Variants in CD2AP observed in about 807,000 individuals in gnomAD.
The protein encoded by CD2AP is CD2-associated protein.
Under a neutral mutation model 85.1 loss-of-function variants are expected in CD2AP, and 46 were observed. That is an observed-to-expected ratio of 0.54 (90% CI 0.43 to 0.69). The LOEUF is 0.69. Among genes scored for constraint, CD2AP ranks in the 30% least tolerant of loss-of-function variants. The pLI is 0.00. For synonymous variants in CD2AP, 255 were observed against 252.9 expected, an observed-to-expected ratio of 1.01 and a Z score of -0.08; for missense variants, 769 against 729.5, an observed-to-expected ratio of 1.05 and a Z score of -0.62.
chr6:47,512,290 C>T (rs535760693), intron 2 of CD2AP, among the ~76,000 whole-genome samples: 3 of 152,174 alleles, frequency 2.0e-5, no homozygotes, highest in East Asian at 1.9e-4. Context: ...TGCAGTGAGC[C>T]GAGATCGCAC....
rs754447602 is a variant in CD2AP at position 47,554,638 on chromosome 6, T to G, written c.421-8T>G. The G allele has an allele frequency of 1.9e-6, 3 of 1,613,496 alleles. No individual in the cohort carries two copies. Among genetic ancestry groups the G allele is most frequent in the Non-Finnish European group, 2.5e-6 (3 of 1,179,622 alleles). On this transcript the variant is annotated splice_polypyrimidine_tract_variant and splice_region_variant and intron_variant, in intron 4 of 17. Coordinates refer to ENST00000359314, the MANE Select transcript of CD2AP (RefSeq NM_012120.3). ...TTGTTTTTGCTTTTGAATTGTGAAC[T>G]TTTTCAGGTAGAAGAAGGCTGGTGG... is the stretch of plus-strand genomic sequence containing the variant.
rs1465293168 is a variant in CD2AP at position 47,517,672 on chromosome 6, G to A, written c.165+14232G>A. 2.0e-5 allele frequency among the ~76,000 whole-genome samples: 3 copies of A among 152,042 alleles called. No individual in the cohort carries two copies. In the East Asian group the frequency reaches 5.8e-4, roughly 29 times the overall value. On this transcript the variant is annotated intron_variant, in intron 2 of 17. Transcript: ENST00000359314. ...GGAACAGACTAATAATAGTTGCCAA[G>A]TCTTCATGATATTTCTTTATCATCT...
intron 17 of CD2AP, among the ~76,000 whole-genome samples, chr6:47,613,198 T>G (rs529129045): frequency 1.3e-5 from 2 of 152,332 alleles, no homozygotes; most frequent in African/African-American, 4.8e-5. Context: ...AATATTGACA[T>G]TTTGACTTTC....
At chr6:47,606,048 T>A in intron 13 of CD2AP, 117 bp from the exon 14 acceptor site, 2 of 637,700 alleles carry the variant, frequency 3.1e-6, no homozygotes, top group Non-Finnish European at 5.5e-6. Context: ...ATTTGTGAGT[T>A]CTTCAAAGTA....
intron 2 of CD2AP, among the ~76,000 whole-genome samples, chr6:47,508,534 CTTTTTTTTTTTGTTTTT>C (rs1383016131): frequency 7.7e-6 from 1 of 129,408 alleles, no homozygotes; most frequent in Non-Finnish European, 1.6e-5. Flanking sequence ...TTCTTTCTTT[CTTTTTTTTTTTGTTTTT>C]TTTTTTTTTT....
chr6:47,512,544 T>G (rs1037897424), intron 2 of CD2AP, among the ~76,000 whole-genome samples: 3 of 152,260 alleles, frequency 2.0e-5, no homozygotes, highest in Non-Finnish European at 2.9e-5. Context: ...TGAAAAACTT[T>G]AGACACCATA....
At chr6:47,513,895 G>T (rs77634857) in intron 2 of CD2AP, among the ~76,000 whole-genome samples, 100 of 149,016 alleles carry the variant, frequency 6.7e-4, no homozygotes, top group African/African-American at 2.0e-3. Context: ...TTTTTTTTGG[G>T]GGGGGGGCTA....
chr6:47,624,031 T>G (rs910527499), intron 17 of CD2AP, among the ~76,000 whole-genome samples, 155 bp from the exon 18 acceptor site: 1 of 152,192 alleles, frequency 6.6e-6, no homozygotes, highest in Non-Finnish European at 1.5e-5. Context: ...GTTGAAACTT[T>G]ATTCAACCAA....
In CD2AP at chr6:47,480,065, A is replaced by G. The variant is rs74674326; in HGVS notation, c.4+1817A>G. ...TCCAGAGGCTTTTTCTTTGTGATTT[A>G]TTTGTTGTGTTCTGTTTAGGTGAGT... On this transcript the variant is annotated intron_variant, in intron 1 of 17. Coordinates refer to ENST00000359314, the MANE Select transcript of CD2AP (RefSeq NM_012120.3). Among the ~76,000 whole-genome samples the G allele has an allele frequency of 1.2e-3, 176 of 152,042 alleles. 1 individual carries two copies. The highest frequency in any genetic ancestry group is 2.1e-3 in the Non-Finnish European group (144 of 67,960).
chr6:47,572,163 T>G (rs1055096503), intron 5 of CD2AP, among the ~76,000 whole-genome samples: 1 of 152,206 alleles, frequency 6.6e-6, no homozygotes, highest in Non-Finnish European at 1.5e-5. Context: ...ATAACTGTTG[T>G]AAAGGATTAC....
At chr6:47,537,994 G>C (rs1228825914) in intron 3 of CD2AP, among the ~76,000 whole-genome samples, 1 of 151,626 alleles carries the variant, frequency 6.6e-6, no homozygotes, top group Non-Finnish European at 1.5e-5. Flanking sequence ...CAAGTGATCT[G>C]CCCGCCTCAG....
At chr6:47,556,786 T>C (rs1337466248) in intron 5 of CD2AP, among the ~76,000 whole-genome samples, 3 of 147,428 alleles carry the variant, frequency 2.0e-5, no homozygotes, top group Non-Finnish European at 4.5e-5. Flanking sequence ...ATTAAACATA[T>C]GTGTGTGTGT....
intron 16 of CD2AP, among the ~76,000 whole-genome samples, chr6:47,609,955 A>G (rs185145410): frequency 1.3e-5 from 2 of 152,208 alleles, no homozygotes; most frequent in Admixed American, 1.3e-4. Flanking sequence ...TTTTCAGAGG[A>G]TTTGATCACT....
intron 17 of CD2AP, among the ~76,000 whole-genome samples, chr6:47,619,766 C>G (rs1275473681): frequency 6.6e-6 from 1 of 152,174 alleles, no homozygotes; most frequent in African/African-American, 2.4e-5. Context: ...GCCATTCTTG[C>G]AGGAGTAAGG....
chr6:47,613,146 C>A (rs191410480), intron 17 of CD2AP, among the ~76,000 whole-genome samples: 1 of 152,172 alleles, frequency 6.6e-6, no homozygotes, highest in Admixed American at 6.6e-5. Flanking sequence ...CTGAAGTCTT[C>A]AATCCTCAAA....
Position 47,526,301 on chromosome 6 carries a change from G to A in CD2AP, c.166-7301G>A, listed in dbSNP as rs558064284. Among the ~76,000 whole-genome samples, 24 of 152,246 alleles carry A rather than the reference G, an allele frequency of 1.6e-4. 1 individual carries two copies. The South Asian group carries it at 5.0e-3, about 32-fold the overall frequency. On this transcript the variant is annotated intron_variant, in intron 2 of 17. Coordinates refer to ENST00000359314, the MANE Select transcript of CD2AP (RefSeq NM_012120.3). Reference sequence around the variant, plus strand: ...GATTGTAGCTCGGAGGAGTTCCAGAGAAGAAGGTGGTGGACCTCACAGCAA... The same window carrying A: ...GATTGTAGCTCGGAGGAGTTCCAGAAAAGAAGGTGGTGGACCTCACAGCAA...
intron 1 of CD2AP, among the ~76,000 whole-genome samples, chr6:47,493,891 A>G (rs998579527): frequency 1.3e-5 from 2 of 151,836 alleles, no homozygotes; most frequent in Non-Finnish European, 2.9e-5. Flanking sequence ...AGTGTTTTTG[A>G]TTTCCAGCTT....
chr6:47,565,783 A>G (rs1005514026), intron 5 of CD2AP, among the ~76,000 whole-genome samples: 2 of 152,152 alleles, frequency 1.3e-5, no homozygotes, highest in Non-Finnish European at 2.9e-5. Context: ...GGTATAAGTT[A>G]TCTTTTGCTG....
intron 4 of CD2AP, among the ~76,000 whole-genome samples, chr6:47,554,199 C>T (rs1767612017): frequency 1.3e-5 from 2 of 152,208 alleles, no homozygotes; most frequent in African/African-American, 4.8e-5. Flanking sequence ...ACCTGAGCCA[C>T]CGTGCCTGGC....
Sources: allele counts gnomAD v4.1 joint callset (sites outside exome capture counted in the v4.1 genomes callset), GRCh38; gene constraint gnomAD v4.1.1; transcripts MANE v1.5; gene names NCBI Gene and HGNC (gene_info 2026-07-23, HGNC 2026-07-21).